Variants in GLIS3 observed in about 807,000 individuals in gnomAD.
The protein encoded by GLIS3 is GLIS family zinc finger 3.
Under a neutral mutation model 78.6 loss-of-function variants are expected in GLIS3, and 53 were observed. That is an observed-to-expected ratio of 0.67 (90% confidence interval 0.54 to 0.85). The LOEUF is 0.85. GLIS3 is among the 40% of genes least tolerant of loss of function. The probability of loss-of-function intolerance (pLI) is 0.00; values close to 1 mark genes in which losing one functional copy is unlikely to be tolerated. For missense variants in GLIS3, 1,703 were observed against 1,231.1 expected, an observed-to-expected ratio of 1.38 and a Z score of -5.74; for synonymous variants, 684 against 509.9, an observed-to-expected ratio of 1.34 and a Z score of -4.60.
upstream of GLIS3, among the ~76,000 whole-genome samples, chr9:4,301,750 G>A (rs1817082864): frequency 6.6e-6 from 1 of 152,168 alleles, no homozygotes; most frequent in Admixed American, 6.5e-5. Context: ...CTTCCCAAAT[G>A]ATGGGAACAG....
At chr9:4,120,101 C>G (rs1165191507) in intron 3 of GLIS3, among the ~76,000 whole-genome samples, 1 of 152,144 alleles carries the variant, frequency 6.6e-6, no homozygotes, top group Non-Finnish European at 1.5e-5. Flanking sequence ...TAAAACGTGT[C>G]TTCTCAAAAT....
the GLIS3 span, among the ~76,000 whole-genome samples, chr9:4,413,755 G>T: frequency 6.6e-6 from 1 of 151,940 alleles, no homozygotes; most frequent in Non-Finnish European, 1.5e-5. Flanking sequence ...ACCAGGCAGG[G>T]AATGCCTTCC....
chr9:4,330,202 G>A (rs1162240720), intron 2 of GLIS3, among the ~76,000 whole-genome samples: 1 of 152,210 alleles, frequency 6.6e-6, no homozygotes, highest in African/African-American at 2.4e-5. Flanking sequence ...TTTGCCAGTA[G>A]AAGGAAAGGA....
At chr9:3,920,688 G>A (rs487735) in intron 6 of GLIS3, among the ~76,000 whole-genome samples, 131,474 of 150,760 alleles carry the variant, frequency 0.87, 57,411 homozygotes, top group Admixed American at 0.9. Flanking sequence ...ACACAGAAAT[G>A]AAATCCGATT....
chr9:4,479,472 T>C, the GLIS3 span, among the ~76,000 whole-genome samples: 3 of 152,166 alleles, frequency 2.0e-5, no homozygotes, highest in Non-Finnish European at 4.4e-5. Flanking sequence ...CTTCAAGGCC[T>C]ACACCTCACT....
At chr9:4,268,066 C>T (rs1296142512) in intron 2 of GLIS3, among the ~76,000 whole-genome samples, 1 of 152,130 alleles carries the variant, frequency 6.6e-6, no homozygotes, top group Non-Finnish European at 1.5e-5. Context: ...CACACACACA[C>T]ACTCACACAC....
At chr9:4,355,228 C>A in the GLIS3 span, among the ~76,000 whole-genome samples, 407 of 152,230 alleles carry the variant, frequency 2.7e-3, 1 homozygote, top group African/African-American at 9.4e-3. Context: ...TTGGGCACAT[C>A]TGGGTCCCAA....
intron 4 of GLIS3, among the ~76,000 whole-genome samples, chr9:3,970,505 T>A (rs1219663804): frequency 6.6e-6 from 1 of 152,108 alleles, no homozygotes; most frequent in Non-Finnish European, 1.5e-5. Context: ...GCCATAGACA[T>A]CTTCTTTAAA....
chr9:4,365,159 C>A, the GLIS3 span, among the ~76,000 whole-genome samples: 1 of 151,976 alleles, frequency 6.6e-6, no homozygotes, highest in Non-Finnish European at 1.5e-5. Flanking sequence ...AGACATACTG[C>A]GAAGTGTTAT....
intron 2 of GLIS3, among the ~76,000 whole-genome samples, chr9:4,203,280 C>G (rs1288309014): frequency 1.3e-5 from 2 of 152,126 alleles, no homozygotes; most frequent in African/African-American, 2.4e-5. Flanking sequence ...GAGGTAGCAT[C>G]TCACACCAGT....
intron 2 of GLIS3, among the ~76,000 whole-genome samples, chr9:4,311,373 C>T (rs746447671): frequency 4.6e-5 from 7 of 152,224 alleles, no homozygotes; most frequent in South Asian, 2.1e-4. Flanking sequence ...AGCACCACTA[C>T]ACTCCAGCCT....
At chr9:4,232,984 T>G (rs1335273968) in intron 2 of GLIS3, among the ~76,000 whole-genome samples, 4 of 152,210 alleles carry the variant, frequency 2.6e-5, no homozygotes, top group African/African-American at 9.6e-5. Flanking sequence ...GTTTCTAGAA[T>G]ATCATCTGCT....
intron 4 of GLIS3, among the ~76,000 whole-genome samples, chr9:4,056,551 G>A (rs548313358): frequency 3.3e-5 from 5 of 152,066 alleles, no homozygotes; most frequent in African/African-American, 7.2e-5. Flanking sequence ...GACTTTCTAC[G>A]AAGCCAGACT....
intron 8 of GLIS3, among the ~76,000 whole-genome samples, chr9:3,863,035 G>T (rs1820324421): frequency 6.6e-6 from 1 of 152,096 alleles, no homozygotes; most frequent in South Asian, 2.1e-4. Context: ...GGGGAAGAAA[G>T]GAATCCTTTT....
At chr9:4,205,572 C>A (rs1819802590) in intron 2 of GLIS3, among the ~76,000 whole-genome samples, 1 of 152,184 alleles carries the variant, frequency 6.6e-6, no homozygotes. Context: ...GAGGTGGGGG[C>A]TTGGAAGGTG....
chr9:4,285,417 A>C (rs911572592), intron 2 of GLIS3: 15 of 152,186 alleles, frequency 9.9e-5, no homozygotes, highest in African/African-American at 3.4e-4. Context: ...CAGGTTTTCT[A>C]GTTCTCCGCA....
the GLIS3 span, among the ~76,000 whole-genome samples, chr9:4,462,642 C>G: frequency 6.9e-6 from 1 of 144,466 alleles, no homozygotes; most frequent in African/African-American, 2.7e-5. Context: ...CAGACACGCA[C>G]ACACACACAC....
intron 2 of GLIS3, among the ~76,000 whole-genome samples, chr9:4,166,365 A>T (rs1304933496): frequency 6.6e-6 from 1 of 152,014 alleles, no homozygotes. Flanking sequence ...ACTGGCCAAG[A>T]ACCAGTAAGG....
intron 2 of GLIS3, among the ~76,000 whole-genome samples, chr9:4,273,871 C>T (rs1052702772): frequency 1.3e-5 from 2 of 152,126 alleles, no homozygotes; most frequent in Non-Finnish European, 2.9e-5. Context: ...TCTGAAAAAC[C>T]TGGTTTTTGG....
Sources: allele counts gnomAD v4.1 joint callset (sites outside exome capture counted in the v4.1 genomes callset), GRCh38; gene constraint gnomAD v4.1.1; transcripts MANE v1.5; gene names NCBI Gene and HGNC (gene_info 2026-07-23, HGNC 2026-07-21).